GRID2: variants seen among roughly 807,000 people sequenced by gnomAD.
GRID2 encodes the protein glutamate ionotropic receptor delta type subunit 2.
A neutral mutation model predicts 114.8 loss-of-function variants in GRID2; 33 were observed. The observed-to-expected ratio is 0.29, with a 90% CI of 0.22 to 0.38. GRID2 has a LOEUF of 0.38. GRID2 is among the 10% of genes least tolerant of loss of function. The pLI, the probability that GRID2 is intolerant of heterozygous loss-of-function variation, is 1.00. For synonymous variants in GRID2, 505 were observed against 449.9 expected, an observed-to-expected ratio of 1.12 and a Z score of -1.55; for missense variants, 1,184 against 1,257.7, an observed-to-expected ratio of 0.94 and a Z score of 0.89.
At chr4:92,471,792 CG>C (rs1217979903) in intron 1 of GRID2, among the ~76,000 whole-genome samples, 1 of 152,004 alleles carries the variant, frequency 6.6e-6, no homozygotes, top group Non-Finnish European at 1.5e-5. Context: ...CCCAGGAAAA[CG>C]TGGTTTTTTT....
rs951560366 is a variant in GRID2 at position 93,118,091 on chromosome 4, T to C, written c.735+7138T>C. 5.1e-4 allele frequency among the ~76,000 whole-genome samples: 77 copies of C among 152,272 alleles called. 1 individual carries two copies. Among genetic ancestry groups the C allele is most frequent in the African/African-American group, 1.7e-3 (72 of 41,578 alleles). ...ATCAAGACTTCTATGACTCTGCAGG[T>C]AGAGGTCTTGATGCTTAATTGCTGC... is the stretch of plus-strand genomic sequence containing the variant. On this transcript the variant is annotated intron_variant, in intron 4 of 15. Coordinates refer to ENST00000282020, the MANE Select transcript of GRID2 (RefSeq NM_001510.4).
chr4:93,780,850 A>G (rs10084947), intron 1 of GRID2, among the ~76,000 whole-genome samples: 58,572 of 152,120 alleles, frequency 0.39, 12,062 homozygotes, highest in East Asian at 0.76. Context: ...AACTGGTAGC[A>G]ATTCATCAAA....
intron 1 of GRID2, among the ~76,000 whole-genome samples, chr4:92,587,620 T>C (rs938756815): frequency 6.6e-6 from 1 of 152,220 alleles, no homozygotes; most frequent in Non-Finnish European, 1.5e-5. Context: ...TTCTGTTCTT[T>C]GATTACACTG....
At chr4:93,623,987 T>C (rs1398530343) in intron 13 of GRID2, among the ~76,000 whole-genome samples, 1 of 152,134 alleles carries the variant, frequency 6.6e-6, no homozygotes, top group Non-Finnish European at 1.5e-5. Context: ...TCTGCATTCT[T>C]AGGAATATGT....
At chr4:93,234,721 T>G (rs1746569210) in intron 7 of GRID2, among the ~76,000 whole-genome samples, 1 of 151,360 alleles carries the variant, frequency 6.6e-6, no homozygotes, top group Admixed American at 6.6e-5. Flanking sequence ...GTAGAAAATG[T>G]GGTATTTTTC....
At chr4:92,683,397 A>G (rs947240956) in intron 2 of GRID2, among the ~76,000 whole-genome samples, 4 of 152,184 alleles carry the variant, frequency 2.6e-5, no homozygotes, top group African/African-American at 9.6e-5. Flanking sequence ...ATCTTTGCCT[A>G]GACAGAAGTG....
At chr4:93,508,638 G>A (rs544167837) in intron 12 of GRID2, among the ~76,000 whole-genome samples, 1 of 152,170 alleles carries the variant, frequency 6.6e-6, no homozygotes. Context: ...TATCCTTCTA[G>A]TGAAGAAGAC....
intron 14 of GRID2, among the ~76,000 whole-genome samples, chr4:93,765,395 C>G (rs2110323878): frequency 6.6e-6 from 1 of 152,086 alleles, no homozygotes; most frequent in East Asian, 1.9e-4. Context: ...CCTGCAATGC[C>G]CCAGCCACTT....
At chr4:93,269,723 A>G (rs1204487415) in intron 8 of GRID2, among the ~76,000 whole-genome samples, 1 of 152,216 alleles carries the variant, frequency 6.6e-6, no homozygotes, top group Admixed American at 6.5e-5. Context: ...CAGGAAATTC[A>G]CTGCAACTTA....
chr4:92,893,798 A>G (rs1158968268), intron 2 of GRID2, among the ~76,000 whole-genome samples: 3 of 152,170 alleles, frequency 2.0e-5, no homozygotes, highest in African/African-American at 7.2e-5. Context: ...TGAAAATGAG[A>G]TTTATGAGGA....
chr4:93,154,058 A>G (rs1736957990), intron 4 of GRID2, among the ~76,000 whole-genome samples: 1 of 152,060 alleles, frequency 6.6e-6, no homozygotes, highest in Non-Finnish European at 1.5e-5. Flanking sequence ...CCTCTATAGC[A>G]GCTATTCCTC....
At chr4:93,162,961 T>G (rs1164927341) in intron 4 of GRID2, among the ~76,000 whole-genome samples, 1 of 151,960 alleles carries the variant, frequency 6.6e-6, no homozygotes, top group Non-Finnish European at 1.5e-5. Flanking sequence ...ACTTACCGCA[T>G]TTTCTAGAGC....
chr4:92,591,210 C>A (rs898471562), intron 2 of GRID2, among the ~76,000 whole-genome samples: 1 of 152,112 alleles, frequency 6.6e-6, no homozygotes, highest in African/African-American at 2.4e-5. Flanking sequence ...AACTTGCCTG[C>A]CCCTTCTGCC....
chr4:92,969,785 G>C (rs915009109), intron 2 of GRID2, among the ~76,000 whole-genome samples: 2 of 151,710 alleles, frequency 1.3e-5, no homozygotes, highest in African/African-American at 2.4e-5. Context: ...ACTATTCCTA[G>C]TACCAATAGA....
intron 8 of GRID2, among the ~76,000 whole-genome samples, chr4:93,318,377 T>A (rs1250548610): frequency 2.0e-5 from 3 of 151,996 alleles, no homozygotes; most frequent in Non-Finnish European, 2.9e-5. Context: ...TGAAAATAGG[T>A]CACTTCCAAA....
rs1768733907 is a variant in GRID2, at chr4:93,425,300, T to C, written c.1545+2332T>C. Among the ~76,000 whole-genome samples, 4 of 152,340 alleles carry C rather than the reference T, an allele frequency of 2.6e-5. No individual in the cohort carries two copies. The South Asian group carries it at 8.3e-4, about 32-fold the overall frequency. On this transcript the variant is annotated intron_variant, in intron 10 of 15. Coordinates refer to ENST00000282020, the MANE Select transcript of GRID2 (RefSeq NM_001510.4). ...ATTGATTTTTGCTTCAGTGGATAGT[T>C]AAATCACTATCTGTTCTCTTGAATT...
At chr4:93,759,109 T>C (rs1215646211) in intron 14 of GRID2, among the ~76,000 whole-genome samples, 5 of 152,202 alleles carry the variant, frequency 3.3e-5, no homozygotes, top group Non-Finnish European at 5.9e-5. Context: ...CTGCCATTTC[T>C]GTAATGAGTG....
At chr4:93,023,427 T>G (rs888627046) in intron 2 of GRID2, among the ~76,000 whole-genome samples, 2 of 152,012 alleles carry the variant, frequency 1.3e-5, no homozygotes, top group African/African-American at 4.8e-5. Flanking sequence ...CTGTGTAACT[T>G]TGTTTAATCA....
intron 1 of GRID2, among the ~76,000 whole-genome samples, chr4:92,567,239 C>T (rs545349476): frequency 1.7e-4 from 26 of 151,958 alleles, no homozygotes; most frequent in African/African-American, 6.3e-4. Flanking sequence ...TTTTTGAATT[C>T]CTTTATAATT....
Sources: allele counts gnomAD v4.1 joint callset (sites outside exome capture counted in the v4.1 genomes callset), GRCh38; gene constraint gnomAD v4.1.1; transcripts MANE v1.5; gene names NCBI Gene and HGNC (gene_info 2026-07-23, HGNC 2026-07-21).